The following GRIK2 variants were observed in gnomAD, a reference collection of about 807,000 sequenced individuals.
GRIK2 encodes glutamate receptor ionotropic, kainate 2.
In GRIK2, 32 loss-of-function variants were observed where a neutral mutation model predicts 100.3. The ratio of observed to expected loss-of-function variants is 0.32; its 90% CI spans 0.24 to 0.43. The LOEUF (loss-of-function observed/expected upper bound fraction) is 0.43, where lower values mean the gene tolerates loss of function less well. Among genes scored for constraint, GRIK2 ranks in the 20% least tolerant of loss-of-function variants. GRIK2 has a pLI of 1.00. For missense variants in GRIK2, 843 were observed against 1,114.9 expected, an observed-to-expected ratio of 0.76 and a Z score of 3.47; for synonymous variants, 417 against 389.4, an observed-to-expected ratio of 1.07 and a Z score of -0.83.
rs1328626069 is a variant in GRIK2 at position 101,490,221 on chromosome 6, C to T, written c.115+90829C>T. Among the ~76,000 whole-genome samples, 9 of 146,840 alleles carry T rather than the reference C, an allele frequency of 6.1e-5. 2 individuals carry two copies. The highest frequency in any genetic ancestry group is 1.6e-4 in the African/African-American group (6 of 38,612). On this transcript the variant is annotated intron_variant, in intron 2 of 16. Transcript: ENST00000369134. The stretch of plus-strand genomic sequence containing the variant: ...ACTACATATTATGCAACATACTGTG[C>T]TATGCTAAACAGCTTTCTTGGGCCA...
At chr6:101,739,772 C>T (rs916102709) in intron 7 of GRIK2, among the ~76,000 whole-genome samples, 1 of 152,054 alleles carries the variant, frequency 6.6e-6, no homozygotes, top group Non-Finnish European at 1.5e-5. Context: ...ATTGCAGGCC[C>T]CTGTGCTATC....
At chr6:101,999,433 G>A (rs1256895789) in intron 14 of GRIK2, among the ~76,000 whole-genome samples, 6 of 152,066 alleles carry the variant, frequency 3.9e-5, no homozygotes, top group African/African-American at 1.4e-4. Context: ...TCAGTTTCCA[G>A]ATCTTACACA....
intron 7 of GRIK2, among the ~76,000 whole-genome samples, chr6:101,768,538 T>C (rs1450140408): frequency 2.0e-5 from 3 of 152,202 alleles, no homozygotes; most frequent in Non-Finnish European, 4.4e-5. Context: ...TAAATTTTTA[T>C]CATCAAGAGA....
intron 14 of GRIK2, among the ~76,000 whole-genome samples, chr6:101,987,316 A>G (rs1043657117): frequency 1.3e-5 from 2 of 151,904 alleles, no homozygotes; most frequent in African/African-American, 4.8e-5. Context: ...TTAGAATCAT[A>G]GCAAATAAAT....
intron 14 of GRIK2, among the ~76,000 whole-genome samples, chr6:101,962,931 T>C (rs1303587930): frequency 6.6e-6 from 1 of 151,958 alleles, no homozygotes; most frequent in Non-Finnish European, 1.5e-5. Context: ...TTAACCTTCC[T>C]GTATCTTTGA....
At chr6:102,028,223 T>C (rs914643378) in intron 14 of GRIK2, among the ~76,000 whole-genome samples, 1 of 151,192 alleles carries the variant, frequency 6.6e-6, no homozygotes, top group African/African-American at 2.4e-5. Flanking sequence ...ACAAAATCAT[T>C]TGGCAATTGT....
intron 4 of GRIK2, 66 bp downstream of exon 4, chr6:101,626,703 A>G: frequency 7.2e-7 from 1 of 1,396,274 alleles, no homozygotes; most frequent in East Asian, 2.3e-5. Context: ...AGCCCATTCC[A>G]GGTTCTTATT....
chr6:101,870,971 C>A (rs902627036), intron 11 of GRIK2, among the ~76,000 whole-genome samples: 1 of 151,742 alleles, frequency 6.6e-6, no homozygotes, highest in African/African-American at 2.4e-5. Context: ...TTAAATCCTG[C>A]AAAATAAACA....
chr6:101,924,380 G>C (rs983009770), intron 12 of GRIK2, among the ~76,000 whole-genome samples: 1 of 152,088 alleles, frequency 6.6e-6, no homozygotes, highest in Non-Finnish European at 1.5e-5. Flanking sequence ...ATAATGTATA[G>C]TAAGAAAATG....
At chr6:101,780,971 T>A (rs942914252) in intron 7 of GRIK2, among the ~76,000 whole-genome samples, 2 of 152,220 alleles carry the variant, frequency 1.3e-5, no homozygotes, top group African/African-American at 4.8e-5. Flanking sequence ...CTAAAATTGC[T>A]GCTTTTTAAA....
At chr6:101,684,970 G>A (rs1771572600) in intron 6 of GRIK2, among the ~76,000 whole-genome samples, 1 of 152,006 alleles carries the variant, frequency 6.6e-6, no homozygotes, top group African/African-American at 2.4e-5. Flanking sequence ...GGTGGGATAA[G>A]GTCACAGAGT....
intron 2 of GRIK2, among the ~76,000 whole-genome samples, chr6:101,511,407 G>C (rs531354718): frequency 6.6e-6 from 1 of 152,210 alleles, no homozygotes; most frequent in African/African-American, 2.4e-5. Flanking sequence ...ATTGCTCTGA[G>C]TGGCACAAAT....
chr6:101,444,065 GTTTT>G (rs139097289), intron 2 of GRIK2, among the ~76,000 whole-genome samples: 4,612 of 143,424 alleles, frequency 0.032, 88 homozygotes, highest in Non-Finnish European at 0.046. Context: ...GATTTTCCGG[GTTTT>G]TTTGTTTGTT....
At chr6:101,580,157 A>G (rs1778008293) in intron 2 of GRIK2, among the ~76,000 whole-genome samples, 2 of 152,276 alleles carry the variant, frequency 1.3e-5, no homozygotes, top group East Asian at 1.9e-4. Flanking sequence ...TCTCTGGCTA[A>G]TGCCCTATAA....
chr6:101,950,355 C>G (rs543089117), intron 14 of GRIK2, among the ~76,000 whole-genome samples: 1 of 152,134 alleles, frequency 6.6e-6, no homozygotes, highest in East Asian at 1.9e-4. Context: ...TTGTGGTTGA[C>G]CAGAGGTCAC....
intron 10 of GRIK2, among the ~76,000 whole-genome samples, chr6:101,835,983 A>G (rs1015564205): frequency 2.9e-5 from 4 of 137,696 alleles, no homozygotes; most frequent in African/African-American, 1.2e-4. Context: ...AAAGGCTGTA[A>G]TAGCATCCTG....
intron 2 of GRIK2, among the ~76,000 whole-genome samples, chr6:101,618,782 A>G (rs1038355062): frequency 1.3e-5 from 2 of 151,544 alleles, no homozygotes; most frequent in African/African-American, 2.4e-5. Context: ...ACACATTTGT[A>G]TCTCTTCTCT....
chr6:101,716,525 A>G (rs1053687917), intron 7 of GRIK2, among the ~76,000 whole-genome samples: 1 of 145,592 alleles, frequency 6.9e-6, no homozygotes, highest in Non-Finnish European at 1.5e-5. Context: ...GACTCCACTG[A>G]CAACCTATGG....
chr6:102,016,574 T>TA (rs964942715), intron 14 of GRIK2, among the ~76,000 whole-genome samples: 5 of 149,214 alleles, frequency 3.4e-5, no homozygotes, highest in Non-Finnish European at 6.0e-5. Flanking sequence ...AAAAAAAATT[T>TA]AAAAAAAAAT....
Sources: allele counts gnomAD v4.1 joint callset (sites outside exome capture counted in the v4.1 genomes callset), GRCh38; gene constraint gnomAD v4.1.1; transcripts MANE v1.5; gene names NCBI Gene and HGNC (gene_info 2026-07-23, HGNC 2026-07-21).